The following VXN variants were observed in gnomAD, a reference collection of about 807,000 sequenced individuals.
VXN encodes the protein uncharacterized protein C8orf46.
In VXN, 7 loss-of-function variants were observed where a neutral mutation model predicts 23.1. The ratio of observed to expected loss-of-function variants is 0.30; its 90% CI spans 0.17 to 0.57. The LOEUF (loss-of-function observed/expected upper bound fraction) is 0.57, where lower values mean the gene tolerates loss of function less well. VXN is among the 20% of genes least tolerant of loss of function. The probability of loss-of-function intolerance (pLI) is 0.91; values close to 1 mark genes in which losing one functional copy is unlikely to be tolerated. For missense variants in VXN, 238 were observed against 272.6 expected (o/e 0.87, Z 0.89); for synonymous variants, 120 against 105.8 (o/e 1.13, Z -0.83).
At chr8:66,515,815 C>T in intron 5 of VXN, 78 bp from the exon 6 acceptor site, 1 of 1,282,582 alleles carries the variant, frequency 7.8e-7, no homozygotes, top group Non-Finnish European at 1.1e-6. Context: ...AGAGCTCTGG[C>T]CACTCTTCTT....
chr8:66,499,221 G>GTTTT (rs759637693), intron 2 of VXN, among the ~76,000 whole-genome samples: 30 of 109,640 alleles, frequency 2.7e-4, no homozygotes, highest in Non-Finnish European at 3.4e-4. Context: ...TATTGGGTTG[G>GTTTT]TTTTTTTTTT....
chr8:66,509,960 G>C, intron 3 of VXN, 136 bp from the exon 4 acceptor site: 1 of 789,690 alleles, frequency 1.3e-6, no homozygotes, highest in Non-Finnish European at 2.2e-6. Context: ...CTCCTGCCTG[G>C]TTTTGCTGCT....
At chr8:66,511,326 G>T (rs539440930) in intron 4 of VXN, among the ~76,000 whole-genome samples, 5 of 152,348 alleles carry the variant, frequency 3.3e-5, no homozygotes, top group South Asian at 4.1e-4. Flanking sequence ...TGCAATGTGA[G>T]AACCGGAAGA....
At chr8:66,512,971 G>A (rs1216021655) in intron 4 of VXN, among the ~76,000 whole-genome samples, 1 of 152,168 alleles carries the variant, frequency 6.6e-6, no homozygotes, top group East Asian at 1.9e-4. Flanking sequence ...GGCGGGGTTG[G>A]AGTGCCTTAT....
chr8:66,510,092 G>A lies in VXN; in HGVS notation c.281-4G>A. 1 of 1,613,382 alleles carries A rather than the reference G, an allele frequency of 6.2e-7. No homozygotes were observed. The highest frequency in any genetic ancestry group is 8.5e-7 in the Non-Finnish European group (1 of 1,179,366). On this transcript the variant is annotated splice_region_variant and splice_polypyrimidine_tract_variant and intron_variant, in intron 3 of 5. Coordinates refer to ENST00000305454, the MANE Select transcript of VXN (RefSeq NM_152765.4). ...AGTAATATCTCCTCTGTTCAACATT[G>A]CAGTGGGGATTTCTGAACCCAAAAC...
rs1420117085 is a variant in VXN, at chr8:66,505,494, C to T, written c.246C>T (p.Pro82=). The part of the protein sequence containing the change: ...RFGRLQTARP[P]TAHPAKASAR... ...GGCGGCTCCAGACCGCGCGGCCGCC[C>T]ACAGCCCACCCGGCCAAAGCCTCTG... Residue 82 remains proline (P), a synonymous_variant, in exon 3 of 6, where the codon CCC becomes CCT. Transcript: ENST00000305454. The T allele has an allele frequency of 1.6e-5, 25 of 1,556,586 alleles. No individual in the cohort carries two copies. The highest frequency in any genetic ancestry group is 2.2e-5 in the Non-Finnish European group (25 of 1,153,506).
intron 3 of VXN, among the ~76,000 whole-genome samples, chr8:66,506,732 A>G (rs1807763656): frequency 1.3e-5 from 2 of 152,128 alleles, no homozygotes; most frequent in East Asian, 3.9e-4. Flanking sequence ...GATTTCTTTG[A>G]TTGCTAAGAA....
At position 66,513,082 on chromosome 8, in the gene VXN, G is replaced by A. The variant is rs912137241; in HGVS notation, c.343-458G>A. On this transcript the variant is annotated intron_variant, in intron 4 of 5. Transcript: ENST00000305454. ...CCTTGAAGGCTGCAGCGGAGGAAACGGAGAGGCTGGGCTGGCCCTACCCTA... is the reference window on the plus strand; with the variant it reads ...CCTTGAAGGCTGCAGCGGAGGAAACAGAGAGGCTGGGCTGGCCCTACCCTA... Among the ~76,000 whole-genome samples the A allele has an allele frequency of 9.2e-5, 14 of 152,296 alleles. No individual in the cohort carries two copies. The East Asian group carries it at 2.1e-3, about 23-fold the overall frequency.
intron 4 of VXN, among the ~76,000 whole-genome samples, chr8:66,513,122 A>G (rs1258043582): frequency 2.6e-5 from 4 of 152,226 alleles, no homozygotes; most frequent in African/African-American, 7.2e-5. Context: ...GCCTAATCAA[A>G]GCAAGAATCT....
At position 66,513,126 on chromosome 8, in the gene VXN, A is replaced by C. The variant is rs531330716; in HGVS notation, c.343-414A>C. On this transcript the variant is annotated intron_variant, in intron 4 of 5. Coordinates refer to ENST00000305454, the MANE Select transcript of VXN (RefSeq NM_152765.4). The stretch of plus-strand genomic sequence containing the variant: ...TACCCTACGTAGCCTAATCAAAGCA[A>C]GAATCTGCAGGATTTAGTAACAAAC... Among the ~76,000 whole-genome samples, 20 of 152,330 alleles carry C rather than the reference A, an allele frequency of 1.3e-4. No homozygotes were observed. In the South Asian group the frequency reaches 3.1e-3, roughly 24 times the overall value.
chr8:66,500,244 A>T (rs1167980615), intron 2 of VXN, among the ~76,000 whole-genome samples: 2 of 152,244 alleles, frequency 1.3e-5, no homozygotes, highest in African/African-American at 4.8e-5. Flanking sequence ...TAGATATGAA[A>T]ATCCCAGGCC....
chr8:66,509,029 A>T (rs974841520), intron 3 of VXN, among the ~76,000 whole-genome samples: 2 of 152,234 alleles, frequency 1.3e-5, no homozygotes, highest in African/African-American at 2.4e-5. Flanking sequence ...GGTGAGGATT[A>T]AATGAGATAA....
At chr8:66,495,642 C>T (rs1807617547) in intron 1 of VXN, among the ~76,000 whole-genome samples, 1 of 152,198 alleles carries the variant, frequency 6.6e-6, no homozygotes, top group African/African-American at 2.4e-5. Flanking sequence ...TTCATGGCCA[C>T]TTCCTTGTGG....
intron 3 of VXN, 75 bp from the exon 4 acceptor site, chr8:66,510,021 G>T: frequency 7.3e-7 from 1 of 1,378,434 alleles, no homozygotes. Context: ...GGCTAACAAG[G>T]TAATTGATGC....
intron 3 of VXN, 110 bp downstream of exon 3, chr8:66,505,638 C>T: frequency 1.5e-6 from 2 of 1,304,654 alleles, no homozygotes; most frequent in Non-Finnish European, 2.0e-6. Flanking sequence ...CGGCCTCAGT[C>T]GCGCCAGGTG....
At chr8:66,508,789 G>A (rs573448681) in intron 3 of VXN, among the ~76,000 whole-genome samples, 4 of 152,200 alleles carry the variant, frequency 2.6e-5, no homozygotes, top group East Asian at 3.9e-4. Flanking sequence ...TAGAAAGTGC[G>A]GACTATTCCA....
chr8:66,515,813 G>A (rs1807881023), intron 5 of VXN, 80 bp from the exon 6 acceptor site: 3 of 1,254,424 alleles, frequency 2.4e-6, no homozygotes, highest in Admixed American at 2.4e-5. Context: ...AGAGAGCTCT[G>A]GCCACTCTTC....
At chr8:66,495,382 C>A (rs1427929743) in intron 1 of VXN, among the ~76,000 whole-genome samples, 1 of 152,204 alleles carries the variant, frequency 6.6e-6, no homozygotes, top group Non-Finnish European at 1.5e-5. Flanking sequence ...TGACCTTGGG[C>A]AAGCTACTTA....
At chr8:66,502,553 C>T (rs542396229) in intron 2 of VXN, among the ~76,000 whole-genome samples, 1 of 152,020 alleles carries the variant, frequency 6.6e-6, no homozygotes, top group East Asian at 1.9e-4. Context: ...TTGAGATCAG[C>T]CTGACCAATA....
Sources: allele counts gnomAD v4.1 joint callset (sites outside exome capture counted in the v4.1 genomes callset), GRCh38; gene constraint gnomAD v4.1.1; transcripts MANE v1.5; gene names NCBI Gene and HGNC (gene_info 2026-07-23, HGNC 2026-07-21).